CCDC60: variants seen among roughly 807,000 people sequenced by gnomAD.
CCDC60 encodes the protein coiled-coil domain-containing protein 60.
A neutral mutation model predicts 63.5 loss-of-function variants in CCDC60; 54 were observed. The observed-to-expected ratio is 0.85, with a 90% CI of 0.68 to 1.07. The LOEUF is 1.07. Among genes scored for constraint, CCDC60 ranks in the 50% least tolerant of loss-of-function variants. The pLI is 0.00. For synonymous variants in CCDC60, 206 were observed against 238.8 expected (o/e 0.86, Z 1.27); for missense variants, 651 against 684.3 (o/e 0.95, Z 0.54).
intron 2 of CCDC60, among the ~76,000 whole-genome samples, chr12:119,430,667 C>CCAAAAAAAA (rs1950213128): frequency 9.4e-6 from 1 of 106,040 alleles, no homozygotes; most frequent in South Asian, 3.9e-4. Context: ...ACTCTGTCTC[C>CCAAAAAAAA]AAAAAAAAAA....
chr12:119,499,990 C>T, intron 5 of CCDC60, 88 bp from the exon 6 acceptor site: 5 of 917,688 alleles, frequency 5.4e-6, no homozygotes, highest in Admixed American at 5.2e-5. Flanking sequence ...AGCCACCATT[C>T]CTCCTCTATT....
intron 1 of CCDC60, among the ~76,000 whole-genome samples, chr12:119,387,829 C>T (rs1956087286): frequency 6.6e-6 from 1 of 152,098 alleles, no homozygotes; most frequent in African/African-American, 2.4e-5. Context: ...CCCTCTGACG[C>T]ACATTTCAGG....
intron 5 of CCDC60, among the ~76,000 whole-genome samples, chr12:119,494,463 T>TC (rs758954093): frequency 7.9e-5 from 12 of 152,148 alleles, no homozygotes; most frequent in Non-Finnish European, 1.6e-4. Context: ...CTTCAGGCTG[T>TC]CCAGAGAGAC....
In CCDC60 at chr12:119,505,162, T is replaced by A; in HGVS notation, c.742T>A (p.Ser248Thr). The A allele has an allele frequency of 6.2e-7, 1 of 1,612,642 alleles. No individual in the cohort carries two copies. The highest frequency in any genetic ancestry group is 8.5e-7 in the Non-Finnish European group (1 of 1,179,664). Residue 248 changes from serine to threonine, a missense_variant, in exon 7 of 14, where the codon TCC becomes ACC. Physicochemically the swap from Ser to Thr is moderately conservative, Grantham distance 58. Transcript: ENST00000327554. Reference protein sequence around the residue: ...TLSLSRASGGSSPQSSMISVN... With the variant: ...TLSLSRASGGTSPQSSMISVN... ...CAGTCTGAGTCGGGCCAGTGGGGGG[T>A]CCTCTCCCCAGAGCAGCATGATCTC...
intron 4 of CCDC60, among the ~76,000 whole-genome samples, chr12:119,486,876 CCTGAAAACACCAGG>C (rs1434182780): frequency 1.3e-5 from 2 of 152,094 alleles, no homozygotes; most frequent in African/African-American, 2.4e-5. Flanking sequence ...CCTTCCTGAC[CCTGAAAACACCAGG>C]CCTAGGAACC....
chr12:119,517,114 C>A (rs562708609), intron 8 of CCDC60, among the ~76,000 whole-genome samples: 14 of 152,162 alleles, frequency 9.2e-5, no homozygotes, highest in African/African-American at 2.9e-4. Context: ...CAGCCTCCCA[C>A]GTAGCTGGGA....
chr12:119,495,705 C>A (rs1951702782), intron 5 of CCDC60, among the ~76,000 whole-genome samples: 1 of 152,134 alleles, frequency 6.6e-6, no homozygotes, highest in South Asian at 2.1e-4. Context: ...CCCCCACAAC[C>A]AAGAAAATCT....
chr12:119,483,193 T>TC (rs1440295292), intron 4 of CCDC60, among the ~76,000 whole-genome samples: 2 of 152,110 alleles, frequency 1.3e-5, no homozygotes, highest in Non-Finnish European at 2.9e-5. Flanking sequence ...CAAAGTCACA[T>TC]CCCAAAGTGT....
intron 1 of CCDC60, among the ~76,000 whole-genome samples, chr12:119,387,755 ATT>A (rs1956085796): frequency 2.0e-5 from 3 of 152,218 alleles, no homozygotes; most frequent in Admixed American, 6.5e-5. Context: ...AATTTACCTA[ATT>A]GCTTTTAACG....
In CCDC60 at chr12:119,428,668, T is replaced by A. The variant is rs143698672; in HGVS notation, c.91-15T>A. ...TTAACACTCCTTTTATTTTAACCCC[T>A]TGTCTTCTCATCAGGTCCCAGACAA... On this transcript the variant is annotated splice_polypyrimidine_tract_variant and intron_variant, in intron 1 of 13. Coordinates refer to ENST00000327554, the MANE Select transcript of CCDC60 (RefSeq NM_178499.5). 1.7e-3 allele frequency: 2,589 copies of A among 1,554,268 alleles called. 37 individuals carry two copies. In the African/African-American group the frequency reaches 0.03, roughly 18 times the overall value.
intron 1 of CCDC60, among the ~76,000 whole-genome samples, chr12:119,357,458 CTT>C (rs138138187): frequency 1.6e-4 from 23 of 146,388 alleles, no homozygotes; most frequent in Non-Finnish European, 2.7e-4. Context: ...ATGAGATCAG[CTT>C]TTTTTTTTTT....
At chr12:119,397,545 A>G (rs1457839917) in intron 1 of CCDC60, among the ~76,000 whole-genome samples, 2 of 151,324 alleles carry the variant, frequency 1.3e-5, no homozygotes, top group African/African-American at 2.4e-5. Context: ...TGGTGCATCC[A>G]TGAACCCCGA....
At chr12:119,434,713 T>G (rs1950295197) in intron 2 of CCDC60, among the ~76,000 whole-genome samples, 1 of 152,036 alleles carries the variant, frequency 6.6e-6, no homozygotes, top group African/African-American at 2.4e-5. Flanking sequence ...GAACAATAAA[T>G]GAATGGGTAC....
intron 1 of CCDC60, among the ~76,000 whole-genome samples, chr12:119,428,032 T>C (rs933368601): frequency 8.5e-5 from 13 of 152,148 alleles, no homozygotes; most frequent in African/African-American, 3.1e-4. Context: ...CTTCTTTATA[T>C]TGAGCATGTA....
chr12:119,450,815 G>A (rs990205527), intron 2 of CCDC60, among the ~76,000 whole-genome samples: 9 of 151,080 alleles, frequency 6.0e-5, no homozygotes, highest in East Asian at 2.0e-4. Context: ...CTGAGTTCAC[G>A]CGACTGCACT....
At position 119,359,426 on chromosome 12, in the gene CCDC60, T is replaced by G. The variant is rs374716548; in HGVS notation, c.90+24160T>G. ...ATGTAGTCATTTCACTTTTAGGTGT[T>G]GATTGCATGGAAATATTCCTAATAA... On this transcript the variant is annotated intron_variant, in intron 1 of 13. Transcript: ENST00000327554. Among the ~76,000 whole-genome samples, 37 of 152,320 alleles carry G rather than the reference T, an allele frequency of 2.4e-4. No homozygotes were observed. The East Asian group carries it at 6.0e-3, about 25-fold the overall frequency.
intron 1 of CCDC60, among the ~76,000 whole-genome samples, chr12:119,390,336 CTG>C (rs1324547142): frequency 1.3e-5 from 2 of 152,204 alleles, no homozygotes; most frequent in Admixed American, 6.5e-5. Context: ...CCCTAAAACA[CTG>C]TTTGTTGTGC....
At chr12:119,407,402 C>T (rs938629753) in intron 1 of CCDC60, among the ~76,000 whole-genome samples, 4 of 151,996 alleles carry the variant, frequency 2.6e-5, no homozygotes, top group Admixed American at 6.6e-5. Flanking sequence ...CATGGTGGCA[C>T]GTGCCTGTGG....
chr12:119,364,298 C>T (rs574268704), intron 1 of CCDC60, among the ~76,000 whole-genome samples: 9 of 152,282 alleles, frequency 5.9e-5, no homozygotes, highest in South Asian at 4.2e-4. Context: ...TATGCACCCA[C>T]GTAACCACCA....
Sources: allele counts gnomAD v4.1 joint callset (sites outside exome capture counted in the v4.1 genomes callset), GRCh38; gene constraint gnomAD v4.1.1; transcripts MANE v1.5; gene names NCBI Gene and HGNC (gene_info 2026-07-23, HGNC 2026-07-21).